The following SLC7A13 variants were observed in gnomAD, a reference collection of about 807,000 sequenced individuals.
The protein encoded by SLC7A13 is solute carrier family 7 member 13, also known as X-amino acid transporter 2.
In SLC7A13, 31 loss-of-function variants were observed where a neutral mutation model predicts 32.0. The ratio of observed to expected loss-of-function variants is 0.97; its 90% confidence interval spans 0.73 to 1.31. SLC7A13 has a LOEUF of 1.31. Among genes scored for constraint, SLC7A13 ranks in the 50% most tolerant of loss-of-function variants. The pLI is 0.00. For missense variants in SLC7A13, 633 were observed against 546.9 expected, an observed-to-expected ratio of 1.16 and a Z score of -1.57; for synonymous variants, 232 against 206.9, an observed-to-expected ratio of 1.12 and a Z score of -1.04.
chr8:86,222,047 C>T (rs1251170428), intron 2 of SLC7A13, among the ~76,000 whole-genome samples: 1 of 152,114 alleles, frequency 6.6e-6, no homozygotes, highest in Non-Finnish European at 1.5e-5. Flanking sequence ...TTATAGGTCC[C>T]TAAGATAGCT....
chr8:86,214,705 A>ATTTT, intron 3 of SLC7A13, 59 bp from the exon 4 acceptor site: 1 of 1,162,572 alleles, frequency 8.6e-7, no homozygotes, highest in Non-Finnish European at 1.2e-6. Context: ...TGATACCTGC[A>ATTTT]TATTCATATA....
chr8:86,221,311 G>T (rs1820291435), intron 2 of SLC7A13, among the ~76,000 whole-genome samples: 1 of 151,832 alleles, frequency 6.6e-6, no homozygotes, highest in African/African-American at 2.4e-5. Flanking sequence ...CAAGCTTATT[G>T]GATATTTTTA....
chr8:86,217,504 C>A lies in SLC7A13; in HGVS notation c.1145G>T (p.Arg382Ile). The change falls in exon 3 of 4, where the codon AGA becomes ATA. Residue 382 changes from arginine (R) to isoleucine (I), a missense_variant. Physicochemically the swap from Arg to Ile is moderately conservative, Grantham distance 97. Transcript: ENST00000297524. Reference protein sequence around the residue: ...ILLMIGILRRRYQEPNLSIPY... With the variant: ...ILLMIGILRRIYQEPNLSIPY... ...TATAGATAGATTGGGTTCCTGGTAT[C>A]TCCGCCTTAGTATTCCTATCATTAA... 1.3e-6 allele frequency: 2 copies of A among 1,594,900 alleles called. No homozygotes were observed. Among genetic ancestry groups the A allele is most frequent in the Non-Finnish European group, 8.5e-7 (1 of 1,173,596 alleles).
Position 86,217,458 on chromosome 8 carries a change from A to G in SLC7A13, c.1179+12T>C. 2 of 1,523,080 alleles carry G rather than the reference A, an allele frequency of 1.3e-6. No homozygotes were observed. The highest frequency in any genetic ancestry group is 1.8e-6 in the Non-Finnish European group (2 of 1,141,368). 94.3% of individuals were successfully genotyped at this position (1,523,080 alleles called of 1,614,324 possible). ...TATTTCACACAGAAAAGAATTAGAA[A>G]TCCAATTTTACCTTATAAGGTATAG... is the stretch of plus-strand genomic sequence containing the variant. On this transcript the variant is annotated intron_variant, in intron 3 of 3. Coordinates refer to ENST00000297524, the MANE Select transcript of SLC7A13 (RefSeq NM_138817.3).
intron 2 of SLC7A13, among the ~76,000 whole-genome samples, chr8:86,221,333 T>G (rs887232785): frequency 2.0e-5 from 3 of 152,160 alleles, no homozygotes; most frequent in Non-Finnish European, 4.4e-5. Flanking sequence ...GGTTTTTAAT[T>G]TTTTGCTATC....
rs577956862 is a variant in SLC7A13, at chr8:86,225,747, C to T, written c.686-2644G>A. 3.9e-5 allele frequency among the ~76,000 whole-genome samples: 6 copies of T among 152,060 alleles called. No individual in the cohort carries two copies. In the South Asian group the frequency reaches 1.2e-3, roughly 32 times the overall value. On this transcript the variant is annotated intron_variant, in intron 1 of 3. Coordinates refer to ENST00000297524, the MANE Select transcript of SLC7A13 (RefSeq NM_138817.3). ...GGCCAGTCTGAGCAACATGCCAAAA[C>T]CTCGTCTCTACTAAAAATCCACACA...
chr8:86,226,761 T>C (rs78503556), intron 1 of SLC7A13, among the ~76,000 whole-genome samples: 4,736 of 152,240 alleles, frequency 0.031, 264 homozygotes, highest in African/African-American at 0.11. Context: ...AACCATTTTG[T>C]AGTCACCTGA....
chr8:86,220,848 G>T (rs1252230864), intron 2 of SLC7A13, among the ~76,000 whole-genome samples: 3 of 151,876 alleles, frequency 2.0e-5, no homozygotes, highest in Non-Finnish European at 4.4e-5. Context: ...ACAAAAATTA[G>T]CCAGGTGTGG....
chr8:86,228,098 C>A (rs1820419511), intron 1 of SLC7A13, among the ~76,000 whole-genome samples: 1 of 152,174 alleles, frequency 6.6e-6, no homozygotes, highest in South Asian at 2.1e-4. Context: ...AATAACAATG[C>A]TCAAGAGCAC....
At chr8:86,216,619 C>A (rs1441107176) in intron 3 of SLC7A13, among the ~76,000 whole-genome samples, 1 of 152,160 alleles carries the variant, frequency 6.6e-6, no homozygotes, top group Non-Finnish European at 1.5e-5. Context: ...ACATTGCTTT[C>A]TTTCTCTCAG....
At chr8:86,221,089 CAATA>C (rs1210988984) in intron 2 of SLC7A13, among the ~76,000 whole-genome samples, 1 of 151,664 alleles carries the variant, frequency 6.6e-6, no homozygotes, top group Non-Finnish European at 1.5e-5. Flanking sequence ...TCAGTGCAAA[CAATA>C]AAGTAAAAAT....
chr8:86,220,724 T>G (rs1820279471), intron 2 of SLC7A13, among the ~76,000 whole-genome samples: 1 of 152,052 alleles, frequency 6.6e-6, no homozygotes, highest in African/African-American at 2.4e-5. Context: ...GAAACTATAT[T>G]TGGGCCTAGT....
intron 1 of SLC7A13, among the ~76,000 whole-genome samples, chr8:86,226,882 G>C (rs1820396048): frequency 6.6e-6 from 1 of 152,076 alleles, no homozygotes; most frequent in South Asian, 2.1e-4. Flanking sequence ...TTTCCACTCA[G>C]TGACAGCAAA....
chr8:86,221,666 G>C (rs974414222), intron 2 of SLC7A13, among the ~76,000 whole-genome samples: 3 of 147,886 alleles, frequency 2.0e-5, no homozygotes, highest in Middle Eastern at 3.5e-3. Context: ...GTCTAAAGAT[G>C]ATATGCCTAA....
At chr8:86,217,291 A>G (rs1271802923) in intron 3 of SLC7A13, among the ~76,000 whole-genome samples, 179 bp downstream of exon 3, 1 of 152,194 alleles carries the variant, frequency 6.6e-6, no homozygotes, top group Non-Finnish European at 1.5e-5. Context: ...AGATTTTTAT[A>G]TTGAATAACC....
intron 1 of SLC7A13, among the ~76,000 whole-genome samples, chr8:86,224,826 A>T (rs112796243): frequency 4.8e-4 from 73 of 152,310 alleles, no homozygotes; most frequent in Middle Eastern, 3.4e-3. Context: ...TAATGGTGTT[A>T]AAAAAGAAAG....
At position 86,217,498 on chromosome 8, in the gene SLC7A13, T is replaced by C. The variant is rs2129782011; in HGVS notation, c.1151A>G (p.Gln384Arg). ...LMIGILRRRYQEPNLSIPYKV... is the reference protein window; with the variant it reads ...LMIGILRRRYREPNLSIPYKV... ...ATAAGGTATAGATAGATTGGGTTCCTGGTATCTCCGCCTTAGTATTCCTAT... is the reference window on the plus strand; with the variant it reads ...ATAAGGTATAGATAGATTGGGTTCCCGGTATCTCCGCCTTAGTATTCCTAT... Residue 384 changes from glutamine to arginine, a missense_variant, in exon 3 of 4, where the codon CAG (glutamine) becomes CGG (arginine). Physicochemically the swap from Gln to Arg is conservative, Grantham distance 43. Transcript: ENST00000297524. 2 of 1,590,822 alleles carry C rather than the reference T, an allele frequency of 1.3e-6. No homozygotes were observed. Among genetic ancestry groups the C allele is most frequent in the Non-Finnish European group, 1.7e-6 (2 of 1,172,328 alleles).
At chr8:86,218,903 T>A (rs1238106567) in intron 2 of SLC7A13, among the ~76,000 whole-genome samples, 3 of 152,126 alleles carry the variant, frequency 2.0e-5, no homozygotes, top group Non-Finnish European at 4.4e-5. Context: ...GGAGCCTATG[T>A]TCTTGTGCCA....
chr8:86,218,878 G>C (rs1195810611), intron 2 of SLC7A13, among the ~76,000 whole-genome samples: 2 of 151,992 alleles, frequency 1.3e-5, no homozygotes, highest in Non-Finnish European at 2.9e-5. Context: ...GAAGTCCCTG[G>C]GGGTAGATGT....
Sources: gnomAD v4.1 joint callset for allele counts (sites outside exome capture counted in the v4.1 genomes callset) on GRCh38, gnomAD v4.1.1 for gene constraint, MANE v1.5 for transcripts, NCBI Gene and HGNC (gene_info 2026-07-23, HGNC 2026-07-21) for gene names.